CCSER1: variants seen among roughly 807,000 people sequenced by gnomAD.
The protein encoded by CCSER1 is serine-rich coiled-coil domain-containing protein 1.
In CCSER1, 41 loss-of-function variants were observed where a neutral mutation model predicts 82.0. The ratio of observed to expected loss-of-function variants is 0.50; its 90% CI spans 0.39 to 0.65. CCSER1 has a LOEUF of 0.65. CCSER1 is among the 30% of genes least tolerant of loss of function. The probability of loss-of-function intolerance (pLI) is 0.00; values close to 1 mark genes in which losing one functional copy is unlikely to be tolerated. For missense variants in CCSER1, 1,119 were observed against 1,064.2 expected, an observed-to-expected ratio of 1.05 and a Z score of -0.72; for synonymous variants, 414 against 383.9, an observed-to-expected ratio of 1.08 and a Z score of -0.92.
intron 10 of CCSER1, among the ~76,000 whole-genome samples, chr4:91,314,153 T>C (rs558670600): frequency 6.6e-6 from 1 of 152,118 alleles, no homozygotes; most frequent in Non-Finnish European, 1.5e-5. Context: ...CACATGTACA[T>C]ACCCAGTTAT....
At chr4:90,376,389 C>A (rs1046743333) in intron 3 of CCSER1, among the ~76,000 whole-genome samples, 1 of 152,220 alleles carries the variant, frequency 6.6e-6, no homozygotes, top group Non-Finnish European at 1.5e-5. Context: ...CTGGACATGG[C>A]AGACATAGAA....
chr4:91,020,170 T>A (rs2150524342), intron 9 of CCSER1, among the ~76,000 whole-genome samples: 1 of 152,276 alleles, frequency 6.6e-6, no homozygotes, highest in East Asian at 1.9e-4. Context: ...TAAGATGGAA[T>A]TTTTTCTGTA....
At chr4:90,833,292 C>G (rs1010727343) in intron 8 of CCSER1, among the ~76,000 whole-genome samples, 1 of 152,170 alleles carries the variant, frequency 6.6e-6, no homozygotes, top group African/African-American at 2.4e-5. Context: ...TAGTCTTGTC[C>G]ATGATGGCAG....
intron 10 of CCSER1, among the ~76,000 whole-genome samples, chr4:91,326,134 C>G (rs1474142712): frequency 6.6e-6 from 1 of 152,018 alleles, no homozygotes; most frequent in African/African-American, 2.4e-5. Context: ...ATTAAATTAG[C>G]ACATGTAGAT....
intron 10 of CCSER1, among the ~76,000 whole-genome samples, chr4:91,442,926 C>T (rs1022936747): frequency 2.6e-5 from 4 of 152,190 alleles, no homozygotes; most frequent in African/African-American, 9.7e-5. Context: ...CAGTGAGATA[C>T]CATCTCACAC....
chr4:91,509,763 G>T (rs975927259), intron 10 of CCSER1, among the ~76,000 whole-genome samples: 4 of 151,766 alleles, frequency 2.6e-5, no homozygotes, highest in Non-Finnish European at 5.9e-5. Context: ...GGTTGTTTCT[G>T]TTGGTCAGGA....
At chr4:90,453,194 G>A (rs1015443589) in intron 4 of CCSER1, among the ~76,000 whole-genome samples, 15 of 152,172 alleles carry the variant, frequency 9.9e-5, no homozygotes, top group Admixed American at 3.3e-4. Context: ...AATACTGGGA[G>A]TTGAGGTGTA....
At chr4:90,731,047 T>A (rs1018616386) in intron 7 of CCSER1, among the ~76,000 whole-genome samples, 31 of 150,856 alleles carry the variant, frequency 2.1e-4, no homozygotes, top group Non-Finnish European at 2.1e-4. Context: ...CATTACTGAG[T>A]CAAGGCTCCT....
intron 1 of CCSER1, among the ~76,000 whole-genome samples, chr4:90,179,861 A>G (rs1319226775): frequency 2.0e-5 from 3 of 152,116 alleles, no homozygotes; most frequent in African/African-American, 7.2e-5. Flanking sequence ...AGAACCTTTC[A>G]TGGTTTTGTT....
chr4:90,639,440 T>C (rs1726078765), intron 6 of CCSER1, among the ~76,000 whole-genome samples: 1 of 152,154 alleles, frequency 6.6e-6, no homozygotes, highest in South Asian at 2.1e-4. Context: ...TTGACACCAC[T>C]CCACAAAAGT....
rs1560717421 is a variant in CCSER1 at position 91,496,840 on chromosome 4, T to TATATATATTCAAATATATATTGA, written c.2218-101724_2218-101723insTCAAATATATATTGAATATATAT. Among the ~76,000 whole-genome samples, 44 of 19,850 alleles carry TATATATATTCAAATATATATTGA rather than the reference T, an allele frequency of 2.2e-3. 1 individual carries two copies. Among genetic ancestry groups the TATATATATTCAAATATATATTGA allele is most frequent in the Non-Finnish European group, 9.0e-3 (41 of 4,550 alleles). 13.0% of individuals were successfully genotyped at this position (19,850 alleles called of 152,430 possible). ...CAATATATATTGAATATATATTGAA[T>TATATATATTCAAATATATATTGA]ATATATATATTCAAATATATATTGA... On this transcript the variant is annotated intron_variant, in intron 10 of 10. Coordinates refer to ENST00000509176, the MANE Select transcript of CCSER1 (RefSeq NM_001145065.2).
At chr4:90,923,244 C>G in intron 8 of CCSER1, 126 bp from the exon 9 acceptor site, 1 of 705,728 alleles carries the variant, frequency 1.4e-6, no homozygotes, top group Non-Finnish European at 2.5e-6. Context: ...AGCACTAACA[C>G]AGCAAAGCAT....
chr4:91,514,811 A>G (rs964881519), intron 10 of CCSER1, among the ~76,000 whole-genome samples: 1 of 152,208 alleles, frequency 6.6e-6, no homozygotes, highest in Non-Finnish European at 1.5e-5. Flanking sequence ...GCAGGCTCAC[A>G]ATACAGGACG....
chr4:91,297,375 GTGTGTGTGTA>G (rs1339434815), intron 10 of CCSER1, among the ~76,000 whole-genome samples: 10,020 of 106,598 alleles, frequency 0.094, 339 homozygotes, highest in Non-Finnish European at 0.11. Context: ...TTGTGTGTGT[GTGTGTGTGTA>G]TGTGTGTGTG....
intron 10 of CCSER1, among the ~76,000 whole-genome samples, chr4:91,391,672 A>G (rs538166496): frequency 6.6e-6 from 1 of 152,210 alleles, no homozygotes; most frequent in East Asian, 1.9e-4. Context: ...GTCTGTTGCT[A>G]ACTTCTTGTT....
At position 90,304,362 on chromosome 4, in the gene CCSER1, G is replaced by A. The variant is rs565208073; in HGVS notation, c.-41-3882G>A. ...ACACATGCACACGTATGTTTATTGC[G>A]GCATTATTCACAACAGCAAAGACTT... is the stretch of plus-strand genomic sequence containing the variant. On this transcript the variant is annotated intron_variant, in intron 1 of 10. Coordinates refer to ENST00000509176, the MANE Select transcript of CCSER1 (RefSeq NM_001145065.2). 3.0e-3 allele frequency among the ~76,000 whole-genome samples: 452 copies of A among 152,182 alleles called. 2 individuals are homozygous for A. The highest frequency in any genetic ancestry group is 0.01 in the African/African-American group (435 of 41,506).
intron 1 of CCSER1, among the ~76,000 whole-genome samples, chr4:90,285,868 A>AT (rs1271909917): frequency 2.0e-5 from 3 of 151,788 alleles, no homozygotes; most frequent in South Asian, 2.1e-4. Flanking sequence ...ATATTAAATG[A>AT]TTTTTTTGGC....
intron 10 of CCSER1, among the ~76,000 whole-genome samples, chr4:91,587,192 T>C (rs192042605): frequency 6.6e-6 from 1 of 151,874 alleles, no homozygotes; most frequent in Admixed American, 6.6e-5. Context: ...TATCTGCCAA[T>C]TTGTCTTGAT....
In CCSER1 at chr4:90,462,963, G is replaced by C. The variant is rs76178985; in HGVS notation, c.1604-5271G>C. Among the ~76,000 whole-genome samples the C allele has an allele frequency of 9.3e-3, 1,419 of 152,140 alleles. 24 individuals are homozygous for C. The highest frequency in any genetic ancestry group is 0.032 in the African/African-American group (1,330 of 41,488). Reference sequence around the variant, plus strand: ...ATAAGTCAATAGACTTATAACCATTGTTATAAGTCATTTTGAAGGACAGAG... The same window carrying C: ...ATAAGTCAATAGACTTATAACCATTCTTATAAGTCATTTTGAAGGACAGAG... On this transcript the variant is annotated intron_variant, in intron 4 of 10. Coordinates refer to ENST00000509176, the MANE Select transcript of CCSER1 (RefSeq NM_001145065.2).
Sources: gnomAD v4.1 joint callset for allele counts (sites outside exome capture counted in the v4.1 genomes callset) on GRCh38, gnomAD v4.1.1 for gene constraint, MANE v1.5 for transcripts, NCBI Gene and HGNC (gene_info 2026-07-23, HGNC 2026-07-21) for gene names.